DPYS: variants seen among roughly 807,000 people sequenced by gnomAD.
DPYS encodes dihydropyrimidinase.
DPYS carries 39 observed loss-of-function variants against 50.3 expected under a neutral mutation model. The observed-to-expected ratio is 0.78, with a 90% CI of 0.60 to 1.01. DPYS has a LOEUF of 1.01. Ranked by LOEUF, DPYS falls within the 50% of genes least tolerant of loss-of-function variation. The pLI, the probability that DPYS is intolerant of heterozygous loss-of-function variation, is 0.00. For missense variants in DPYS, 659 were observed against 680.9 expected (o/e 0.97, Z 0.36); for synonymous variants, 245 against 250.7 (o/e 0.98, Z 0.22).
rs1812786986 is a variant in DPYS, at chr8:104,427,852, C to T, written c.1092+128G>A. The T allele has an allele frequency of 2.2e-6, 3 of 1,368,518 alleles. No homozygotes were observed. The South Asian group carries it at 3.5e-5, about 16-fold the overall frequency. The allele number at this position is 1,368,518 out of a possible 1,614,324, so 84.8% of individuals were successfully genotyped here. On this transcript the variant is annotated intron_variant, in intron 6 of 9. Transcript: ENST00000351513. ...TGGTCGAGGTGATAGTATTGCATTC[C>T]TAGTATCCTCCCTAGTAAAAACAAT...
chr8:104,430,216 C>T (rs1333633261), intron 4 of DPYS, among the ~76,000 whole-genome samples: 1 of 152,054 alleles, frequency 6.6e-6, no homozygotes, highest in Non-Finnish European at 1.5e-5. Flanking sequence ...TCAACCACAG[C>T]ATATCTCTGC....
Position 104,429,639 on chromosome 8 carries a change from T to A in DPYS, c.856A>T (p.Asn286Tyr), listed in dbSNP as rs886062588. Residue 286 changes from asparagine (N) to tyrosine (Y), a missense_variant, in exon 5 of 10, where the codon AAT (asparagine) becomes TAT (tyrosine). Physicochemically the swap from Asn to Tyr is moderately radical, Grantham distance 143 (BLOSUM62 -2). Coordinates refer to ENST00000351513, the MANE Select transcript of DPYS (RefSeq NM_001385.3). ...TGGGCTGCATGGTGCCATTCTTTATTCCAGTAGTGAGTGCCATCTGTGCCA... is the reference window on the plus strand; with the variant it reads ...TGGGCTGCATGGTGCCATTCTTTATACCAGTAGTGAGTGCCATCTGTGCCA... The part of the protein sequence containing the change: ...SLGTDGTHYW[N>Y]KEWHHAAHHV... The A allele has an allele frequency of 1.2e-6, 2 of 1,614,172 alleles. No individual in the cohort carries two copies.
chr8:104,408,010 G>C (rs1812050955), intron 7 of DPYS, among the ~76,000 whole-genome samples: 1 of 151,974 alleles, frequency 6.6e-6, no homozygotes, highest in African/African-American at 2.4e-5. Flanking sequence ...CCATTCAATG[G>C]GTTTATCATA....
chr8:104,448,446 G>A (rs576396629), intron 2 of DPYS, among the ~76,000 whole-genome samples: 74 of 152,198 alleles, frequency 4.9e-4, no homozygotes, highest in African/African-American at 1.5e-3. Flanking sequence ...ATGAGCCTCC[G>A]CGCCCAGCCT....
At chr8:104,428,186 A>C (rs571826456) in intron 5 of DPYS, 65 bp from the exon 6 acceptor site, 36 of 1,600,700 alleles carry the variant, frequency 2.2e-5, no homozygotes, top group Non-Finnish European at 3.1e-5. Context: ...GGAAACTGCC[A>C]TAACCTTTCC....
At chr8:104,461,024 C>G (rs1360016840) in intron 1 of DPYS, among the ~76,000 whole-genome samples, 1 of 151,422 alleles carries the variant, frequency 6.6e-6, no homozygotes, top group African/African-American at 2.4e-5. Context: ...TGGCTCACAC[C>G]TGTAATCCCA....
chr8:104,462,984 A>G (rs1239497377), intron 1 of DPYS, among the ~76,000 whole-genome samples: 1 of 152,240 alleles, frequency 6.6e-6, no homozygotes, highest in Non-Finnish European at 1.5e-5. Flanking sequence ...TTAGATTTAC[A>G]AAATAAATAA....
chr8:104,466,564 G>A (rs1383722579), intron 1 of DPYS, 93 bp downstream of exon 1: 7 of 1,334,096 alleles, frequency 5.2e-6, no homozygotes, highest in African/African-American at 1.5e-5. Flanking sequence ...GCCGCGCCGC[G>A]CGAGGCGGCC....
At chr8:104,390,839 C>T (rs1041809282) in intron 8 of DPYS, among the ~76,000 whole-genome samples, 2 of 152,044 alleles carry the variant, frequency 1.3e-5, no homozygotes, top group African/African-American at 2.4e-5. Flanking sequence ...TCCCTCCCTC[C>T]CAGGGTTATT....
chr8:104,429,454 G>T, intron 5 of DPYS, 91 bp downstream of exon 5: 1 of 1,554,626 alleles, frequency 6.4e-7, no homozygotes, highest in Non-Finnish European at 8.8e-7. Context: ...ATACTGGGAG[G>T]TTAGTGGAGG....
chr8:104,432,443 G>A (rs1375506138), intron 4 of DPYS, among the ~76,000 whole-genome samples: 1 of 152,206 alleles, frequency 6.6e-6, no homozygotes, highest in Non-Finnish European at 1.5e-5. Context: ...ATCTGCTAGA[G>A]AAGGTTGAAA....
intron 6 of DPYS, among the ~76,000 whole-genome samples, chr8:104,427,348 G>T (rs1812765833): frequency 6.8e-6 from 1 of 147,392 alleles, no homozygotes. Flanking sequence ...GTGCCATCTT[G>T]ACTCACCACA....
intron 7 of DPYS, among the ~76,000 whole-genome samples, chr8:104,408,466 A>G (rs542951334): frequency 7.7e-4 from 117 of 152,366 alleles, no homozygotes; most frequent in Middle Eastern, 3.4e-3. Flanking sequence ...GCTCAAATGT[A>G]TGTTATTCAT....
intron 7 of DPYS, among the ~76,000 whole-genome samples, chr8:104,401,759 G>A (rs911276690): frequency 6.6e-6 from 1 of 152,090 alleles, no homozygotes; most frequent in Non-Finnish European, 1.5e-5. Context: ...CAGTTTCTTA[G>A]ATGTGACAAG....
At chr8:104,435,801 A>G (rs1045785011) in intron 4 of DPYS, among the ~76,000 whole-genome samples, 1 of 152,116 alleles carries the variant, frequency 6.6e-6, no homozygotes, top group African/African-American at 2.4e-5. Context: ...AGACAGACAA[A>G]AGGGAAAGAA....
At position 104,392,463 on chromosome 8, in the gene DPYS, C is replaced by G. The variant is rs185809467; in HGVS notation, c.1443+321G>C. Among the ~76,000 whole-genome samples the G allele has an allele frequency of 1.1e-4, 16 of 152,280 alleles. No individual in the cohort carries two copies. The East Asian group carries it at 2.7e-3, about 26-fold the overall frequency. ...TTCACAGGTGTTTCCCCTAATAAAA[C>G]TCATACACCTTTATCCATCTTGGTG... On this transcript the variant is annotated intron_variant, in intron 8 of 9. Transcript: ENST00000351513.
chr8:104,452,884 T>C (rs1813798792), intron 1 of DPYS, among the ~76,000 whole-genome samples: 1 of 152,136 alleles, frequency 6.6e-6, no homozygotes, highest in African/African-American at 2.4e-5. Flanking sequence ...AGTACAGAGT[T>C]TGATTCATGG....
intron 7 of DPYS, among the ~76,000 whole-genome samples, chr8:104,415,589 T>A (rs1029872868): frequency 6.6e-6 from 1 of 152,142 alleles, no homozygotes; most frequent in Non-Finnish European, 1.5e-5. Flanking sequence ...GACTTTTTTT[T>A]TTTTTTAAAG....
chr8:104,414,749 A>G (rs1003824745), intron 7 of DPYS, among the ~76,000 whole-genome samples: 1 of 152,144 alleles, frequency 6.6e-6, no homozygotes, highest in African/African-American at 2.4e-5. Context: ...CTTTTCAGCC[A>G]TTTTCACTCT....
Sources: gnomAD v4.1 joint callset for allele counts (sites outside exome capture counted in the v4.1 genomes callset) on GRCh38, gnomAD v4.1.1 for gene constraint, MANE v1.5 for transcripts, NCBI Gene and HGNC (gene_info 2026-07-23, HGNC 2026-07-21) for gene names.